The following ADARB2 variants were observed in gnomAD, a reference collection of about 807,000 sequenced individuals.
ADARB2 encodes inactive double-stranded RNA-specific editase B2.
ADARB2 carries 25 observed loss-of-function variants against 62.2 expected under a neutral mutation model. The ratio of observed to expected loss-of-function variants is 0.40; its 90% CI spans 0.29 to 0.56. The LOEUF (loss-of-function observed/expected upper bound fraction) is 0.56, where lower values mean the gene tolerates loss of function less well. ADARB2 is among the 20% of genes least tolerant of loss of function. ADARB2 has a pLI of 0.43. For synonymous variants in ADARB2, 572 were observed against 500.8 expected (o/e 1.14, Z -1.90); for missense variants, 1,071 against 1,077.4 (o/e 0.99, Z 0.08).
chr10:1,476,562 A>G (rs2131921078), intron 1 of ADARB2, among the ~76,000 whole-genome samples: 1 of 152,294 alleles, frequency 6.6e-6, no homozygotes, highest in Non-Finnish European at 1.5e-5. Flanking sequence ...CTCTGCTTCC[A>G]TGGAAACGCA....
chr10:1,669,667 C>T (rs926839349), intron 1 of ADARB2, among the ~76,000 whole-genome samples: 2 of 150,876 alleles, frequency 1.3e-5, no homozygotes, highest in Admixed American at 1.3e-4. Context: ...CAGGGAGACA[C>T]AAACACACAC....
intron 3 of ADARB2, among the ~76,000 whole-genome samples, chr10:1,289,730 C>CA (rs1193518731): frequency 3.9e-5 from 6 of 152,386 alleles, no homozygotes; most frequent in African/African-American, 1.4e-4. Flanking sequence ...TGCTGGGTGA[C>CA]AAGACAGCCC....
intron 8 of ADARB2, among the ~76,000 whole-genome samples, chr10:1,194,484 CATCT>C (rs1269026674): frequency 4.6e-5 from 7 of 152,002 alleles, no homozygotes; most frequent in Admixed American, 2.0e-4. Flanking sequence ...CTCTATCTGT[CATCT>C]ATCTATCATC....
At chr10:1,270,552 G>A (rs745603509) in intron 4 of ADARB2, among the ~76,000 whole-genome samples, 13 of 152,000 alleles carry the variant, frequency 8.6e-5, no homozygotes, top group East Asian at 1.9e-4. Context: ...TGCCCCTCGC[G>A]GCTGGGTCAC....
chr10:1,401,429 A>C (rs1342298533), intron 1 of ADARB2, among the ~76,000 whole-genome samples: 1 of 152,152 alleles, frequency 6.6e-6, no homozygotes, highest in Non-Finnish European at 1.5e-5. Flanking sequence ...TTCACAGCAC[A>C]CGGGTACCCC....
At chr10:1,475,511 G>A (rs1588271292) in intron 1 of ADARB2, among the ~76,000 whole-genome samples, 1 of 152,196 alleles carries the variant, frequency 6.6e-6, no homozygotes, top group Non-Finnish European at 1.5e-5. Flanking sequence ...GTGCTGTGCG[G>A]ACAGGGAAAT....
intron 3 of ADARB2, among the ~76,000 whole-genome samples, chr10:1,310,564 A>G (rs1589188552): frequency 6.6e-6 from 1 of 152,378 alleles, no homozygotes; most frequent in African/African-American, 2.4e-5. Context: ...TTTACTGAGC[A>G]GACATTTCTG....
intron 7 of ADARB2, among the ~76,000 whole-genome samples, chr10:1,214,050 G>A (rs1466247347): frequency 6.6e-6 from 1 of 151,540 alleles, no homozygotes; most frequent in Non-Finnish European, 1.5e-5. Context: ...CTTTGCACCT[G>A]TACCCGGACC....
chr10:1,423,636 G>A (rs570646981), intron 1 of ADARB2, among the ~76,000 whole-genome samples: 214 of 151,424 alleles, frequency 1.4e-3, no homozygotes, highest in Non-Finnish European at 2.7e-3. Flanking sequence ...GGTCCACTAT[G>A]TATGCAGTAA....
intron 4 of ADARB2, among the ~76,000 whole-genome samples, chr10:1,263,704 G>C (rs1831166350): frequency 6.6e-6 from 1 of 152,130 alleles, no homozygotes; most frequent in Non-Finnish European, 1.5e-5. Context: ...CCTTACTTGG[G>C]ATAAATGAAG....
chr10:1,280,522 G>T (rs1831360426), intron 3 of ADARB2, among the ~76,000 whole-genome samples: 1 of 151,584 alleles, frequency 6.6e-6, no homozygotes, highest in Non-Finnish European at 1.5e-5. Flanking sequence ...AATTGTGTTT[G>T]CCATTTTTAG....
intron 5 of ADARB2, among the ~76,000 whole-genome samples, chr10:1,241,319 T>TA (rs1197867678): frequency 6.6e-6 from 1 of 152,246 alleles, no homozygotes; most frequent in African/African-American, 2.4e-5. Flanking sequence ...TGCTTAGGGC[T>TA]ACACGTGGGC....
chr10:1,186,207 G>A (rs1158320248), intron 8 of ADARB2, among the ~76,000 whole-genome samples: 2 of 152,250 alleles, frequency 1.3e-5, no homozygotes, highest in Non-Finnish European at 2.9e-5. Context: ...GCCAGAGGCA[G>A]CGTCCTGGGG....
At chr10:1,274,231 A>G (rs2131800815) in intron 3 of ADARB2, among the ~76,000 whole-genome samples, 1 of 152,346 alleles carries the variant, frequency 6.6e-6, no homozygotes, top group East Asian at 1.9e-4. Context: ...CCACGGGGAC[A>G]CTTCCCCAGC....
intron 6 of ADARB2, among the ~76,000 whole-genome samples, chr10:1,218,482 A>G (rs1830653298): frequency 6.6e-6 from 1 of 152,242 alleles, no homozygotes; most frequent in African/African-American, 2.4e-5. Flanking sequence ...TGAATATTAA[A>G]TGCTTTCTTT....
chr10:1,463,394 G>C (rs971809561), intron 1 of ADARB2, among the ~76,000 whole-genome samples: 1 of 152,188 alleles, frequency 6.6e-6, no homozygotes, highest in Non-Finnish European at 1.5e-5. Flanking sequence ...CGTTGGCAAA[G>C]AGGAGCGTGT....
At chr10:1,606,554 C>T (rs17221881) in intron 1 of ADARB2, among the ~76,000 whole-genome samples, 1,914 of 152,214 alleles carry the variant, frequency 0.013, 25 homozygotes, top group Middle Eastern at 0.024. Context: ...ATCCCAAGTC[C>T]GAAGGAGACC....
At chr10:1,581,972 C>A (rs758721921) in intron 1 of ADARB2, among the ~76,000 whole-genome samples, 25 of 152,152 alleles carry the variant, frequency 1.6e-4, no homozygotes, top group Admixed American at 3.3e-4. Context: ...CCAGAGGCCA[C>A]TTCCCTACTC....
intron 7 of ADARB2, among the ~76,000 whole-genome samples, chr10:1,202,718 G>A (rs149119613): frequency 3.6e-4 from 55 of 152,334 alleles, no homozygotes; most frequent in African/African-American, 1.1e-3. Context: ...CTGTTAGTGC[G>A]TCTTAAAATG....
Sources: allele counts gnomAD v4.1 joint callset (sites outside exome capture counted in the v4.1 genomes callset), GRCh38; gene constraint gnomAD v4.1.1; transcripts MANE v1.5; gene names NCBI Gene and HGNC (gene_info 2026-07-23, HGNC 2026-07-21).